SYT1: variants seen among roughly 807,000 people sequenced by gnomAD.
The protein encoded by SYT1 is synaptotagmin 1.
SYT1 carries 8 observed loss-of-function variants against 44.8 expected under a neutral mutation model. The ratio of observed to expected loss-of-function variants is 0.18; its 90% CI spans 0.10 to 0.32. The LOEUF is 0.32. Among genes scored for constraint, SYT1 ranks in the 10% least tolerant of loss-of-function variants. The pLI, the probability that SYT1 is intolerant of heterozygous loss-of-function variation, is 1.00. For synonymous variants in SYT1, 154 were observed against 188.8 expected (o/e 0.82, Z 1.51); for missense variants, 286 against 509.3 (o/e 0.56, Z 4.22).
chr12:78,872,072 G>A (rs1447368037), intron 1 of SYT1, among the ~76,000 whole-genome samples: 1 of 151,690 alleles, frequency 6.6e-6, no homozygotes, highest in African/African-American at 2.4e-5. Flanking sequence ...TATTTTTAGT[G>A]GTTTTATTAA....
At position 78,889,181 on chromosome 12, in the gene SYT1, G is replaced by A. The variant is rs1874909616; in HGVS notation, c.-217+24072G>A. On this transcript the variant is annotated intron_variant, in intron 1 of 10. Coordinates refer to ENST00000261205, the MANE Select transcript of SYT1 (RefSeq NM_005639.3). ...GAATGTTTGTTAAGAACTAGTTCAG[G>A]ATTTCTTATCCTGGCATCCATGTTT... is the stretch of plus-strand genomic sequence containing the variant. 2.0e-5 allele frequency among the ~76,000 whole-genome samples: 3 copies of A among 151,730 alleles called. 1 individual carries two copies. The highest frequency in any genetic ancestry group is 2.0e-4 in the Admixed American group (3 of 15,184).
chr12:78,973,701 A>G (rs1460726031), intron 1 of SYT1, among the ~76,000 whole-genome samples: 1 of 151,846 alleles, frequency 6.6e-6, no homozygotes, highest in Non-Finnish European at 1.5e-5. Context: ...GTAACTTTAC[A>G]AGAATATTAG....
chr12:79,148,559 T>C (rs949499282), intron 3 of SYT1, among the ~76,000 whole-genome samples: 3 of 151,954 alleles, frequency 2.0e-5, no homozygotes, highest in Admixed American at 1.3e-4. Flanking sequence ...AAATAAAGAG[T>C]ATTGTAATGC....
intron 1 of SYT1, among the ~76,000 whole-genome samples, chr12:78,916,512 T>A (rs1876663671): frequency 6.6e-6 from 1 of 152,154 alleles, no homozygotes; most frequent in South Asian, 2.1e-4. Context: ...CTTATCCTAC[T>A]TTTTTGTAGT....
chr12:79,392,732 C>T (rs779721662), intron 9 of SYT1: 5 of 149,466 alleles, frequency 3.3e-5, no homozygotes, highest in African/African-American at 9.8e-5. Flanking sequence ...GTATTGTAAC[C>T]ATGTCTGAAG....
rs1875820471 is a variant in SYT1 at position 78,904,121 on chromosome 12, A to AT, written c.-217+39017dup. Among the ~76,000 whole-genome samples the AT allele has an allele frequency of 4.6e-5, 7 of 152,090 alleles. No individual in the cohort carries two copies. In the South Asian group the frequency reaches 1.4e-3, roughly 31 times the overall value. On this transcript the variant is annotated intron_variant, in intron 1 of 10. Transcript: ENST00000261205. ...ATTTAGTCATAAACCAAATTTACTA[A>AT]TTTTTGTTTTTATAGTGAAATGTTA...
intron 8 of SYT1, among the ~76,000 whole-genome samples, chr12:79,313,349 T>A (rs1880902502): frequency 6.6e-6 from 1 of 152,222 alleles, no homozygotes. Flanking sequence ...TACGTGTTAT[T>A]TTTCTGAGGC....
At chr12:78,954,468 G>A (rs1879115233) in intron 1 of SYT1, among the ~76,000 whole-genome samples, 1 of 151,932 alleles carries the variant, frequency 6.6e-6, no homozygotes, top group Non-Finnish European at 1.5e-5. Flanking sequence ...ACAGTCTTCA[G>A]AATGATCCTA....
intron 2 of SYT1, among the ~76,000 whole-genome samples, chr12:79,010,674 A>G (rs1211753463): frequency 6.6e-6 from 1 of 152,150 alleles, no homozygotes; most frequent in Non-Finnish European, 1.5e-5. Context: ...CTCACTGATT[A>G]TGCCTTTGTT....
At chr12:79,094,090 G>T (rs1037505568) in intron 3 of SYT1, among the ~76,000 whole-genome samples, 10 of 151,472 alleles carry the variant, frequency 6.6e-5, no homozygotes, top group African/African-American at 1.9e-4. Context: ...TAATGTTCCA[G>T]TATTATATCT....
intron 8 of SYT1, among the ~76,000 whole-genome samples, chr12:79,344,836 AATT>A (rs1882535531): frequency 6.6e-6 from 1 of 152,130 alleles, no homozygotes; most frequent in Non-Finnish European, 1.5e-5. Flanking sequence ...CTTTTCTGTG[AATT>A]ATTATTTCTA....
intron 9 of SYT1, among the ~76,000 whole-genome samples, chr12:79,355,551 G>A (rs1883078955): frequency 1.3e-5 from 2 of 152,154 alleles, no homozygotes; most frequent in African/African-American, 4.8e-5. Flanking sequence ...CTCACTGCCT[G>A]TAGAATTAAG....
intron 1 of SYT1, among the ~76,000 whole-genome samples, chr12:78,867,820 A>G (rs1873621944): frequency 6.6e-6 from 1 of 152,008 alleles, no homozygotes; most frequent in Non-Finnish European, 1.5e-5. Context: ...TTGTATTTAT[A>G]CGATTTGCAT....
chr12:78,907,590 G>A (rs1876066484), intron 1 of SYT1, among the ~76,000 whole-genome samples: 1 of 151,900 alleles, frequency 6.6e-6, no homozygotes, highest in Non-Finnish European at 1.5e-5. Flanking sequence ...TCCAGAAGTT[G>A]CATACTTATT....
At chr12:79,362,582 T>C (rs1414330226) in intron 9 of SYT1, among the ~76,000 whole-genome samples, 1 of 152,162 alleles carries the variant, frequency 6.6e-6, no homozygotes, top group African/African-American at 2.4e-5. Flanking sequence ...TAGATGACTA[T>C]CTGCTGGAGG....
chr12:79,031,898 A>T (rs1448969181), intron 2 of SYT1, among the ~76,000 whole-genome samples: 1 of 151,200 alleles, frequency 6.6e-6, no homozygotes, highest in East Asian at 1.9e-4. Context: ...TTAATGATGC[A>T]AGCTGGCATG....
chr12:79,299,127 G>A (rs1468495209), intron 7 of SYT1, among the ~76,000 whole-genome samples: 1 of 152,034 alleles, frequency 6.6e-6, no homozygotes, highest in Non-Finnish European at 1.5e-5. Flanking sequence ...ACTAACAGCA[G>A]GATCCATTAT....
intron 8 of SYT1, among the ~76,000 whole-genome samples, chr12:79,338,811 C>T (rs1281236551): frequency 6.6e-6 from 1 of 151,880 alleles, no homozygotes; most frequent in Non-Finnish European, 1.5e-5. Flanking sequence ...CTAATACTAT[C>T]CCTCCCCCAT....
intron 3 of SYT1, among the ~76,000 whole-genome samples, chr12:79,090,481 T>G (rs923299821): frequency 1.3e-5 from 2 of 151,926 alleles, no homozygotes; most frequent in African/African-American, 4.8e-5. Context: ...CAATACTCCC[T>G]CATTCCTGAA....
Sources: allele counts gnomAD v4.1 joint callset (sites outside exome capture counted in the v4.1 genomes callset), GRCh38; gene constraint gnomAD v4.1.1; transcripts MANE v1.5; gene names NCBI Gene and HGNC (gene_info 2026-07-23, HGNC 2026-07-21).